EPB41L5: variants seen among roughly 807,000 people sequenced by gnomAD.
EPB41L5 encodes the protein band 4.1-like protein 5.
In EPB41L5, 55 loss-of-function variants were observed where a neutral mutation model predicts 106.6. The observed-to-expected ratio is 0.52, with a 90% CI of 0.42 to 0.65. The LOEUF (loss-of-function observed/expected upper bound fraction) is 0.65, where lower values mean the gene tolerates loss of function less well. Among genes scored for constraint, EPB41L5 ranks in the 30% least tolerant of loss-of-function variants. EPB41L5 has a pLI of 0.00. For missense variants in EPB41L5, 871 were observed against 882.1 expected (o/e 0.99, Z 0.16); for synonymous variants, 297 against 306.7 (o/e 0.97, Z 0.33).
In EPB41L5 at chr2:120,106,849, G is replaced by T. The variant is rs1242681436; in HGVS notation, c.1337+6035G>T. 4 of 984,706 alleles carry T rather than the reference G, an allele frequency of 4.1e-6. No individual in the cohort carries two copies. The East Asian group carries it at 4.5e-4, about 112-fold the overall frequency. 61.0% of individuals were successfully genotyped at this position (984,706 alleles called of 1,614,324 possible). A position where few individuals can be genotyped will look rare whatever the true frequency, so the allele number is the denominator to read the frequency against. ...AGTAAGATCTAACATTTCTGACCTT[G>T]ATAGGATAATCATAGATAACATACT... On this transcript the variant is annotated intron_variant, in intron 16 of 24. Transcript: ENST00000263713.
At chr2:120,039,707 C>G (rs1574504879) in intron 2 of EPB41L5, among the ~76,000 whole-genome samples, 2 of 152,042 alleles carry the variant, frequency 1.3e-5, no homozygotes, top group East Asian at 3.9e-4. Flanking sequence ...TGCCTGTAAT[C>G]CCAGCTACTC....
chr2:120,160,957 A>G lies in EPB41L5; in HGVS notation c.1870A>G (p.Ser624Gly). The G allele has an allele frequency of 1.2e-6, 2 of 1,613,784 alleles. No homozygotes were observed. The highest frequency in any genetic ancestry group is 2.2e-5 in the South Asian group (2 of 91,074). ...TCTGATGCTTATCACACCTGCCGACAGTGGTTCTGTTCTAAAGGTAAGAAT... is the reference window on the plus strand; with the variant it reads ...TCTGATGCTTATCACACCTGCCGACGGTGGTTCTGTTCTAAAGGTAAGAAT... The part of the protein sequence containing the change: ...ETLMLITPAD[S>G]GSVLKEATDE... Residue 624 changes from serine to glycine, a missense_variant, in exon 21 of 25, where the codon AGT becomes GGT. Ser to Gly is a moderately conservative substitution (Grantham distance 56). Transcript: ENST00000263713.
intron 16 of EPB41L5, chr2:120,104,008 CTCCTAT>C: frequency 6.8e-7 from 1 of 1,468,668 alleles, no homozygotes. Flanking sequence ...CATCCATTTT[CTCCTAT>C]TCCTATTGAC....
chr2:120,082,584 C>G (rs1682752052), intron 10 of EPB41L5, among the ~76,000 whole-genome samples: 1 of 152,062 alleles, frequency 6.6e-6, no homozygotes, highest in South Asian at 2.1e-4. Context: ...TGTTGTGTCT[C>G]TGCCAGGCTT....
chr2:120,073,041 T>C, intron 3 of EPB41L5, 137 bp from the exon 4 acceptor site: 1 of 687,082 alleles, frequency 1.5e-6, no homozygotes, highest in Non-Finnish European at 2.4e-6. Context: ...TCTTTTCTCA[T>C]TCACTTGGGT....
chr2:120,058,751 CTATTTTTAAAAAGTTGTTAAACA>C (rs1214277844), intron 3 of EPB41L5, among the ~76,000 whole-genome samples: 1 of 152,110 alleles, frequency 6.6e-6, no homozygotes, highest in Non-Finnish European at 1.5e-5. Context: ...GCTAAATTGT[CTATTTTTAAAAAGTTGTTAAACA>C]TATTTTTAAA....
Position 120,100,093 on chromosome 2 carries a change from T to A in EPB41L5, c.1179-151T>A, listed in dbSNP as rs544825691. On this transcript the variant is annotated intron_variant, in intron 14 of 24. Coordinates refer to ENST00000263713, the MANE Select transcript of EPB41L5 (RefSeq NM_020909.4). ...GTTTTCAGGTATCTGACATTCTTAG[T>A]TTTAGGTACTAGCAGTAGTTTTATT... is the stretch of plus-strand genomic sequence containing the variant. 8.5e-6 allele frequency: 5 copies of A among 591,284 alleles called. No individual in the cohort carries two copies. In the South Asian group the frequency reaches 1.4e-4, roughly 17 times the overall value. The allele number at this position is 591,284 out of a possible 1,614,324, so 36.6% of individuals were successfully genotyped here.
At chr2:120,117,184 C>T (rs1272092136) in intron 16 of EPB41L5, among the ~76,000 whole-genome samples, 6 of 152,174 alleles carry the variant, frequency 3.9e-5, no homozygotes, top group Admixed American at 1.3e-4. Context: ...CTCTAACTCC[C>T]AAGTGAGTTG....
chr2:120,082,841 T>C (rs1415863821), intron 10 of EPB41L5, among the ~76,000 whole-genome samples: 1 of 152,202 alleles, frequency 6.6e-6, no homozygotes. Flanking sequence ...TGGGAGGGTG[T>C]ATGTGTCCAG....
intron 21 of EPB41L5, among the ~76,000 whole-genome samples, chr2:120,163,115 C>A (rs1355764955): frequency 6.6e-6 from 1 of 151,956 alleles, no homozygotes; most frequent in Non-Finnish European, 1.5e-5. Context: ...ATTAGCCAGG[C>A]ATAGTTTGGC....
At chr2:120,015,209 C>T (rs1677434658) in intron 1 of EPB41L5, among the ~76,000 whole-genome samples, 1 of 151,830 alleles carries the variant, frequency 6.6e-6, no homozygotes, top group Admixed American at 6.6e-5. Flanking sequence ...CACCTGTAGT[C>T]CCAGCTACTT....
chr2:120,157,768 CAAA>C (rs200155407), intron 20 of EPB41L5, among the ~76,000 whole-genome samples: 6 of 79,556 alleles, frequency 7.5e-5, no homozygotes, highest in Non-Finnish European at 1.0e-4. Context: ...GACCCTGTCT[CAAA>C]AAAAAAAAAA....
chr2:120,017,296 C>A (rs1393322962), intron 1 of EPB41L5, among the ~76,000 whole-genome samples: 1 of 152,210 alleles, frequency 6.6e-6, no homozygotes, highest in Admixed American at 6.5e-5. Context: ...ATATCTGTAT[C>A]CCCTACCTCT....
chr2:120,056,355 A>C (rs973078793), intron 3 of EPB41L5, among the ~76,000 whole-genome samples: 3 of 150,480 alleles, frequency 2.0e-5, no homozygotes, highest in African/African-American at 7.4e-5. Context: ...GTTGGAGTGC[A>C]GTGGCGTGAT....
intron 16 of EPB41L5, among the ~76,000 whole-genome samples, chr2:120,113,762 C>T (rs1274653375): frequency 6.6e-6 from 1 of 152,172 alleles, no homozygotes; most frequent in Non-Finnish European, 1.5e-5. Context: ...TAGAATCATA[C>T]AGTGGGTGTT....
intron 21 of EPB41L5, among the ~76,000 whole-genome samples, chr2:120,162,970 G>A (rs1044719626): frequency 6.6e-6 from 1 of 152,182 alleles, no homozygotes; most frequent in African/African-American, 2.4e-5. Flanking sequence ...ATGTGTAAAT[G>A]GGTGGCTAAG....
rs1017198793 is a variant in EPB41L5 at position 120,013,141 on chromosome 2, C to G, written c.-78C>G. On this transcript the variant is annotated 5_prime_UTR_variant, in exon 1 of 25. Coordinates refer to ENST00000263713, the MANE Select transcript of EPB41L5 (RefSeq NM_020909.4). The stretch of plus-strand genomic sequence containing the variant: ...CCATTTCTCGGCGTCTACCGAGGAG[C>G]CGCCCCTTTCTCAGCCTTGCTCGGC... 2 of 152,266 alleles carry G rather than the reference C, an allele frequency of 1.3e-5. No homozygotes were observed. Among genetic ancestry groups the G allele is most frequent in the Non-Finnish European group, 2.9e-5 (2 of 68,078 alleles). The allele number at this position is 152,266 out of a possible 1,614,324, so 9.4% of individuals were successfully genotyped here.
At chr2:120,085,646 A>G (rs1488550577) in intron 10 of EPB41L5, among the ~76,000 whole-genome samples, 1 of 152,126 alleles carries the variant, frequency 6.6e-6, no homozygotes, top group Non-Finnish European at 1.5e-5. Context: ...TATTTCATTT[A>G]GTTTTGCATC....
At chr2:120,095,908 G>A (rs1683724270) in intron 14 of EPB41L5, among the ~76,000 whole-genome samples, 1 of 152,022 alleles carries the variant, frequency 6.6e-6, no homozygotes, top group Non-Finnish European at 1.5e-5. Flanking sequence ...GACCTCATGT[G>A]ATCCGCCTGT....
Sources: allele counts gnomAD v4.1 joint callset (sites outside exome capture counted in the v4.1 genomes callset), GRCh38; gene constraint gnomAD v4.1.1; transcripts MANE v1.5; gene names NCBI Gene and HGNC (gene_info 2026-07-23, HGNC 2026-07-21).